ATRX: variants seen among roughly 807,000 people sequenced by gnomAD.
ATRX encodes the protein chromatin remodeler ATRX.
Under a neutral mutation model 172.6 loss-of-function variants are expected in ATRX, and 12 were observed. The observed-to-expected ratio is 0.07, with a 90% CI of 0.04 to 0.11. ATRX has a LOEUF of 0.11. Among genes scored for constraint, ATRX ranks in the 10% least tolerant of loss-of-function variants. The pLI, the probability that ATRX is intolerant of heterozygous loss-of-function variation, is 1.00. For missense variants in ATRX, 1,368 were observed against 1,767.4 expected (o/e 0.77, Z 4.05); for synonymous variants, 674 against 594.7 (o/e 1.13, Z -1.94).
At chrX:77,526,612 T>C (rs142677398) in intron 30 of ATRX, among the ~76,000 whole-genome samples, 25 of 112,608 alleles carry the variant, frequency 2.2e-4, no homozygotes, top group Non-Finnish European at 3.9e-4. Context: ...AGTACTTTTG[T>C]ACTTTTTGAA....
intron 1 of ATRX, among the ~76,000 whole-genome samples, chrX:77,729,139 A>G (rs1372089223): frequency 1.8e-5 from 2 of 109,928 alleles, no homozygotes; most frequent in Non-Finnish European, 3.8e-5. Flanking sequence ...AAAAAAAAAA[A>G]AAACTGTAAT....
At position 77,682,033 on chromosome X, in the gene ATRX, C is replaced by G. The variant is rs1557137918; in HGVS notation, c.3223G>C (p.Asp1075His). The G allele has an allele frequency of 1.2e-5, 14 of 1,210,959 alleles. No homozygotes were observed. Among genetic ancestry groups the G allele is most frequent in the Non-Finnish European group, 1.6e-5 (14 of 894,937 alleles). Residue 1075 changes from aspartate to histidine, a missense_variant, in exon 9 of 35, where the codon GAC becomes CAC. Physicochemically the swap from Asp to His is moderately conservative, Grantham distance 81. Around this residue, in one of 17 missense-constraint regions of ATRX, gnomAD observed 843 missense variants for 643.1 expected, o/e 1.31. Transcript: ENST00000373344. ...EKSTGKGDSCDSSEDKKSKNG... is the reference protein window; with the variant it reads ...EKSTGKGDSCHSSEDKKSKNG... Reference sequence around the variant, plus strand: ...TTACTCTTTTTATCCTCTGAAGAGTCACAACTATCTCCTTTCCCTGTTGAC... The same window carrying G: ...TTACTCTTTTTATCCTCTGAAGAGTGACAACTATCTCCTTTCCCTGTTGAC...
chrX:77,523,239 T>C lies in ATRX; in HGVS notation c.6849+13A>G, dbSNP rs1273354752. The C allele has an allele frequency of 2.5e-6, 3 of 1,208,543 alleles. No homozygotes were observed. In the African/African-American group the frequency reaches 5.2e-5, roughly 21 times the overall value. ...AACATAACAAAAACAAAAACACATT[T>C]TGCATCAACTACCTTCTTCTCTGCT... On this transcript the variant is annotated intron_variant, in intron 31 of 34. Transcript: ENST00000373344.
In ATRX at chrX:77,508,030, T is replaced by C. The variant is rs1464646235; in HGVS notation, c.*321A>G. The C allele has an allele frequency of 1.4e-5, 3 of 214,916 alleles. No homozygotes were observed. The Admixed American group carries it at 2.0e-4, about 14-fold the overall frequency. The allele number at this position is 214,916 out of a possible 1,213,427, so 17.7% of individuals were successfully genotyped here. A position where few individuals can be genotyped will look rare whatever the true frequency, so the allele number is the denominator to read the frequency against. Reference sequence around the variant, plus strand: ...TATTAATTTTATGACAATTTTATGGTTGCTAAAAGCAGGCATAAAAATTTA... The same window carrying C: ...TATTAATTTTATGACAATTTTATGGCTGCTAAAAGCAGGCATAAAAATTTA... On this transcript the variant is annotated 3_prime_UTR_variant, in exon 35 of 35. Transcript: ENST00000373344.
At chrX:77,755,297 G>A (rs986761421) in intron 1 of ATRX, among the ~76,000 whole-genome samples, 1 of 111,855 alleles carries the variant, frequency 8.9e-6, no homozygotes, top group African/African-American at 3.3e-5. Context: ...TAGCTCAGAG[G>A]AGTTTGTTAT....
Position 77,539,507 on chromosome X carries a change from C to G in ATRX, c.6700-16106G>C, listed in dbSNP as rs782717955. ...TAAGAGGTAGAATAAGTTCAAACAC[C>G]GCCAGGAAATAATCAAACAAATCCA... On this transcript the variant is annotated intron_variant, in intron 30 of 34. Coordinates refer to ENST00000373344, the MANE Select transcript of ATRX (RefSeq NM_000489.6). Among the ~76,000 whole-genome samples the G allele has an allele frequency of 2.8e-5, 3 of 108,756 alleles. No homozygotes were observed. The East Asian group carries it at 8.7e-4, about 32-fold the overall frequency. 94.4% of individuals were successfully genotyped at this position (108,756 alleles called of 115,157 possible). A position where few individuals can be genotyped will look rare whatever the true frequency, so the allele number is the denominator to read the frequency against.
intron 2 of ATRX, among the ~76,000 whole-genome samples, chrX:77,703,940 G>A (rs1242125268): frequency 2.7e-5 from 3 of 110,594 alleles, no homozygotes; most frequent in African/African-American, 9.9e-5. Context: ...CAGAGAGGGT[G>A]GTTCTTCTCT....
At chrX:77,612,294 T>C (rs1160094424) in intron 22 of ATRX, among the ~76,000 whole-genome samples, 1 of 111,217 alleles carries the variant, frequency 9.0e-6, no homozygotes, top group African/African-American at 3.3e-5. Context: ...GACAAAAGCA[T>C]ATTACTGTGC....
intron 1 of ATRX, among the ~76,000 whole-genome samples, chrX:77,732,959 A>G (rs2074365585): frequency 8.9e-6 from 1 of 112,045 alleles, no homozygotes; most frequent in South Asian, 3.7e-4. Flanking sequence ...GGAAAGGAAG[A>G]AGTCAAATTA....
intron 1 of ATRX, among the ~76,000 whole-genome samples, chrX:77,719,673 G>C (rs957511831): frequency 9.0e-6 from 1 of 111,546 alleles, no homozygotes; most frequent in Admixed American, 9.6e-5. Flanking sequence ...GGAGCACCCA[G>C]AACATAAAGC....
chrX:77,568,330 AT>A (rs1425731006), intron 28 of ATRX, among the ~76,000 whole-genome samples: 1 of 111,638 alleles, frequency 9.0e-6, no homozygotes, highest in Non-Finnish European at 1.9e-5. Flanking sequence ...TGAAAAGGAT[AT>A]TAAGAAAATG....
At chrX:77,555,990 T>C (rs1304708134) in intron 30 of ATRX, among the ~76,000 whole-genome samples, 2 of 106,898 alleles carry the variant, frequency 1.9e-5, no homozygotes, top group African/African-American at 6.9e-5. Flanking sequence ...CTGGCCAACA[T>C]AGTAAAACCC....
At chrX:77,638,413 C>T (rs782214331) in intron 15 of ATRX, among the ~76,000 whole-genome samples, 2 of 112,780 alleles carry the variant, frequency 1.8e-5, no homozygotes, top group South Asian at 3.7e-4. Flanking sequence ...GTGGAGGTTG[C>T]GGAGAGCCGT....
Position 77,656,767 on chromosome X carries a change from A to G in ATRX, c.4121-114T>C, listed in dbSNP as rs1264958542. The G allele has an allele frequency of 4.1e-5, 22 of 534,476 alleles. No individual in the cohort carries two copies. The East Asian group carries it at 8.3e-4, about 20-fold the overall frequency. The allele number at this position is 534,476 out of a possible 1,213,427, so 44.0% of individuals were successfully genotyped here. On this transcript the variant is annotated intron_variant, in intron 12 of 34. Coordinates refer to ENST00000373344, the MANE Select transcript of ATRX (RefSeq NM_000489.6). ...AGAGCATTGTAAGAACATCAGAGGTATATATGTGAATGGATAATACATAAT... is the reference window on the plus strand; with the variant it reads ...AGAGCATTGTAAGAACATCAGAGGTGTATATGTGAATGGATAATACATAAT...
At chrX:77,639,465 G>A (rs782812904) in intron 15 of ATRX, among the ~76,000 whole-genome samples, 32 of 111,488 alleles carry the variant, frequency 2.9e-4, no homozygotes, top group Non-Finnish European at 5.1e-4. Flanking sequence ...TCTTAATTTC[G>A]GCTTGGTGGG....
At chrX:77,548,600 G>A (rs1401014857) in intron 30 of ATRX, among the ~76,000 whole-genome samples, 1 of 112,125 alleles carries the variant, frequency 8.9e-6, no homozygotes, top group African/African-American at 3.2e-5. Flanking sequence ...ATTCTCAAAA[G>A]TAAATGTAGG....
intron 10 of ATRX, among the ~76,000 whole-genome samples, chrX:77,667,145 T>C (rs2070288362): frequency 9.0e-6 from 1 of 110,958 alleles, no homozygotes; most frequent in Admixed American, 9.6e-5. Flanking sequence ...AAATAAAATG[T>C]TAGCAGCAAA....
At chrX:77,521,911 G>C in intron 32 of ATRX, 1 of 230,615 alleles carries the variant, frequency 4.3e-6, no homozygotes, top group Non-Finnish European at 7.8e-6. Flanking sequence ...TAGAATAGAA[G>C]TTAATGAGTA....
chrX:77,565,954 C>T (rs782480427), intron 28 of ATRX, among the ~76,000 whole-genome samples: 15 of 110,458 alleles, frequency 1.4e-4, no homozygotes, highest in Non-Finnish European at 5.7e-5. Flanking sequence ...ATTTTGAAGA[C>T]TAAACAACAG....
Sources: gnomAD v4.1 joint callset for allele counts (sites outside exome capture counted in the v4.1 genomes callset) on GRCh38, gnomAD v4.1.1 for gene constraint, gnomAD v4.1.1 regional missense constraint, MANE v1.5 for transcripts, NCBI Gene and HGNC (gene_info 2026-07-23, HGNC 2026-07-21) for gene names.